Variants in NFASC observed in about 807,000 individuals in gnomAD.
NFASC encodes the protein neurofascin, also known as neurofascin homolog.
In NFASC, 43 loss-of-function variants were observed where a neutral mutation model predicts 147.5. The observed-to-expected ratio is 0.29, with a 90% CI of 0.23 to 0.38. The LOEUF (loss-of-function observed/expected upper bound fraction) is 0.38. Ranked by LOEUF, NFASC falls within the 10% of genes least tolerant of loss-of-function variation. The pLI is 1.00. For synonymous variants in NFASC, 622 were observed against 665.5 expected (o/e 0.93, Z 1.01); for missense variants, 1,320 against 1,689.0 (o/e 0.78, Z 3.83).
chr1:204,967,909 T>C (rs1425803815), intron 8 of NFASC: 1 of 205,874 alleles, frequency 4.9e-6, no homozygotes, highest in African/African-American at 2.3e-5. Context: ...CAGTGGCCTC[T>C]GGGATCCCAA....
chr1:204,947,060 G>A, intron 3 of NFASC: 1 of 337,376 alleles, frequency 3.0e-6, no homozygotes, highest in Non-Finnish European at 5.9e-6. Flanking sequence ...GAGGGAAAAG[G>A]CCAAGATCCA....
At chr1:204,907,993 T>G (rs2086373309) in intron 1 of NFASC, among the ~76,000 whole-genome samples, 1 of 152,152 alleles carries the variant, frequency 6.6e-6, no homozygotes, top group Admixed American at 6.5e-5. Flanking sequence ...ATTGTTTGTT[T>G]GTTTTTGAGA....
intron 1 of NFASC, among the ~76,000 whole-genome samples, chr1:204,888,657 A>G (rs1337565642): frequency 2.6e-5 from 4 of 152,248 alleles, no homozygotes; most frequent in African/African-American, 4.8e-5. Context: ...TAAATTCTGT[A>G]ATGAAATGGG....
At chr1:204,926,613 C>A (rs766810151) in intron 2 of NFASC, among the ~76,000 whole-genome samples, 4 of 150,504 alleles carry the variant, frequency 2.7e-5, no homozygotes, top group Non-Finnish European at 4.4e-5. Context: ...GAAGTTTTGC[C>A]ATGTTGCCCA....
chr1:204,829,671 AG>A (rs775889266), intron 1 of NFASC, among the ~76,000 whole-genome samples: 1 of 151,296 alleles, frequency 6.6e-6, no homozygotes, highest in East Asian at 1.9e-4. Flanking sequence ...GGATTGGGGG[AG>A]GGGGTGCTAG....
intron 1 of NFASC, among the ~76,000 whole-genome samples, chr1:204,839,894 A>C (rs1456036212): frequency 6.6e-6 from 1 of 152,198 alleles, no homozygotes; most frequent in Non-Finnish European, 1.5e-5. Flanking sequence ...CAAGAGAAGC[A>C]GAGCTTGGTG....
intron 1 of NFASC, among the ~76,000 whole-genome samples, chr1:204,869,972 G>C (rs1171730508): frequency 2.0e-5 from 3 of 152,174 alleles, no homozygotes; most frequent in Non-Finnish European, 2.9e-5. Context: ...ATGCAATGAA[G>C]GGTATAAACA....
chr1:204,934,827 G>T (rs1344466755), intron 2 of NFASC, among the ~76,000 whole-genome samples: 1 of 152,226 alleles, frequency 6.6e-6, no homozygotes, highest in Non-Finnish European at 1.5e-5. Context: ...ATTGGTGTAG[G>T]ATTGCTCTGA....
chr1:204,999,231 C>G (rs529608418), intron 25 of NFASC: 10 of 152,018 alleles, frequency 6.6e-5, no homozygotes, highest in Non-Finnish European at 1.5e-4. Context: ...ATTTCACATG[C>G]TTGGTCCTTC....
At chr1:205,007,647 T>C (rs187134180) in intron 27 of NFASC, among the ~76,000 whole-genome samples, 17 of 152,162 alleles carry the variant, frequency 1.1e-4, no homozygotes, top group African/African-American at 3.9e-4. Flanking sequence ...CAGGAAGACC[T>C]CTCTAGGAGG....
chr1:204,909,075 G>A lies in NFASC; in HGVS notation c.-199-11557G>A, dbSNP rs546274785. Reference sequence around the variant, plus strand: ...TGTACAGGTTTTTGTGTGAACATAAGCCTTCATTTTTCTGGGATAAATGCC... The same window carrying A: ...TGTACAGGTTTTTGTGTGAACATAAACCTTCATTTTTCTGGGATAAATGCC... On this transcript the variant is annotated intron_variant, in intron 1 of 29. Coordinates refer to ENST00000339876, the MANE Select transcript of NFASC (RefSeq NM_001005388.3). Among the ~76,000 whole-genome samples the A allele has an allele frequency of 4.6e-5, 7 of 152,288 alleles. No individual in the cohort carries two copies. The East Asian group carries it at 1.3e-3, about 29-fold the overall frequency.
chr1:204,942,742 G>A (rs2093444430), intron 2 of NFASC, among the ~76,000 whole-genome samples: 1 of 152,198 alleles, frequency 6.6e-6, no homozygotes, highest in South Asian at 2.1e-4. Context: ...CCACGGTGGT[G>A]GCAGTGGGAA....
At chr1:205,012,773 T>A in intron 28 of NFASC, 24 bp from the exon 29 acceptor site, 1 of 1,579,982 alleles carries the variant, frequency 6.3e-7, no homozygotes, top group Non-Finnish European at 8.7e-7. Context: ...CGTGTCTGTG[T>A]CTTTGCTTCT....
In NFASC at chr1:204,957,641, T is replaced by C. The variant is rs1252664886; in HGVS notation, c.536-15T>C. The C allele has an allele frequency of 1.2e-6, 2 of 1,613,240 alleles. No homozygotes were observed. Reference sequence around the variant, plus strand: ...ATTACTACTAACCTGCTGCCGTACCTCTGCTTTCTTATAGCCATGGAGCCC... The same window carrying C: ...ATTACTACTAACCTGCTGCCGTACCCCTGCTTTCTTATAGCCATGGAGCCC... On this transcript the variant is annotated splice_polypyrimidine_tract_variant and intron_variant, in intron 7 of 29. Coordinates refer to ENST00000339876, the MANE Select transcript of NFASC (RefSeq NM_001005388.3).
chr1:204,974,385 G>A (rs1487655540), intron 13 of NFASC, 95 bp downstream of exon 13: 11 of 992,856 alleles, frequency 1.1e-5, no homozygotes, highest in Non-Finnish European at 1.7e-5. Context: ...GCAAGACCTG[G>A]GAATCTTAAA....
chr1:204,854,270 C>G (rs1410359387), intron 1 of NFASC, among the ~76,000 whole-genome samples: 2 of 152,038 alleles, frequency 1.3e-5, no homozygotes, highest in Admixed American at 6.5e-5. Context: ...CACGTCAGGC[C>G]CCTTCATTTT....
chr1:204,900,959 C>T (rs1446213520), intron 1 of NFASC, among the ~76,000 whole-genome samples: 1 of 151,972 alleles, frequency 6.6e-6, no homozygotes, highest in Non-Finnish European at 1.5e-5. Flanking sequence ...TTACAGATGT[C>T]AGTCACTGCA....
Position 204,954,295 on chromosome 1 carries a change from G to A in NFASC, c.323G>A (p.Arg108Gln), listed in dbSNP as rs564524486. The A allele has an allele frequency of 2.2e-5, 36 of 1,614,184 alleles. No homozygotes were observed. The highest frequency in any genetic ancestry group is 1.3e-4 in the South Asian group (12 of 91,086). ...GTGATTGACTTCCGCAGTGGCGGGC[G>A]GCCGGAGGAATATGAGGGGGAATAT... is the stretch of plus-strand genomic sequence containing the variant. Reference protein sequence around the residue: ...TLVIDFRSGGRPEEYEGEYQC... With the variant: ...TLVIDFRSGGQPEEYEGEYQC... Residue 108 changes from arginine to glutamine, a missense_variant, in exon 6 of 30, where the codon CGG (arginine) becomes CAG (glutamine). Arg to Gln is a conservative substitution (Grantham distance 43). Coordinates refer to ENST00000339876, the MANE Select transcript of NFASC (RefSeq NM_001005388.3). This position sits in a 1 kb window ranked among gnomAD's most constrained non-coding sequence, Gnocchi z 5.7.
chr1:204,857,989 AGCTTACTACG>A (rs1294357592), intron 1 of NFASC, among the ~76,000 whole-genome samples: 1 of 144,796 alleles, frequency 6.9e-6, no homozygotes, highest in African/African-American at 2.6e-5. Context: ...GCGCGATCTC[AGCTTACTACG>A]GCCTCCACCT....
Sources: gnomAD v4.1 joint callset for allele counts (sites outside exome capture counted in the v4.1 genomes callset) on GRCh38, gnomAD v4.1.1 for gene constraint, Gnocchi (gnomAD v3.1) non-coding constraint, MANE v1.5 for transcripts, NCBI Gene and HGNC (gene_info 2026-07-23, HGNC 2026-07-21) for gene names.